The following STEAP2 variants were observed in gnomAD, a reference collection of about 807,000 sequenced individuals.
STEAP2 encodes the protein STEAP2 metalloreductase.
Under a neutral mutation model 46.4 loss-of-function variants are expected in STEAP2, and 30 were observed. The observed-to-expected ratio is 0.65, with a 90% CI of 0.48 to 0.88. The LOEUF is 0.88. Ranked by LOEUF, STEAP2 falls within the 40% of genes least tolerant of loss-of-function variation. The pLI is 0.00. For missense variants in STEAP2, 513 were observed against 579.3 expected, an observed-to-expected ratio of 0.89 and a Z score of 1.18; for synonymous variants, 180 against 200.5, an observed-to-expected ratio of 0.90 and a Z score of 0.86.
At chr7:90,218,958 T>G (rs1487444167) in intron 2 of STEAP2, among the ~76,000 whole-genome samples, 3 of 152,214 alleles carry the variant, frequency 2.0e-5, no homozygotes, top group Admixed American at 2.0e-4. Context: ...TACAGTGCTT[T>G]GTAGTTTTCC....
At chr7:90,219,634 G>A (rs1218650221) in intron 2 of STEAP2, among the ~76,000 whole-genome samples, 1 of 152,100 alleles carries the variant, frequency 6.6e-6, no homozygotes, top group African/African-American at 2.4e-5. Flanking sequence ...TCCCTGGGAT[G>A]CATTCCTGGA....
chr7:90,225,096 C>G lies in STEAP2; in HGVS notation c.14C>G (p.Ser5Cys), dbSNP rs1462130109. The stretch of plus-strand genomic sequence containing the variant: ...AGTGTCCGTATCATGGAATCAATCT[C>G]TATGATGGGAAGCCCTAAGAGCCTT... MESI[S>C]MMGSPKSLSE... The change falls in exon 3 of 6, where the codon TCT becomes TGT. Residue 5 changes from serine (S) to cysteine (C), a missense_variant. Transcript: ENST00000394621. The G allele has an allele frequency of 6.2e-6, 10 of 1,613,164 alleles. No homozygotes were observed. Among genetic ancestry groups the G allele is most frequent in the African/African-American group, 1.3e-5 (1 of 74,866 alleles).
chr7:90,226,972 T>G lies in STEAP2; in HGVS notation c.494T>G (p.Val165Gly). 6.3e-7 allele frequency: 1 copy of G among 1,577,222 alleles called. No individual in the cohort carries two copies. Among genetic ancestry groups the G allele is most frequent in the Non-Finnish European group, 8.6e-7 (1 of 1,165,886 alleles). ...TGAGTCTTTTTGTTTTTTCCACAGG[T>G]TTATATATGCAGCAACAATATTCAA... ...QLGPKDASRQ[V>G]YICSNNIQAR... Residue 165 changes from valine to glycine, a missense_variant and splice_region_variant, in exon 4 of 6, where the codon GTT becomes GGT. By Grantham distance (109) the Val-to-Gly change is moderately radical (BLOSUM62 -3). Transcript: ENST00000394621.
intron 2 of STEAP2, among the ~76,000 whole-genome samples, chr7:90,223,765 G>A (rs1795361574): frequency 6.6e-6 from 1 of 152,190 alleles, no homozygotes; most frequent in South Asian, 2.1e-4. Flanking sequence ...TACATTGTAA[G>A]ATGTAGGGTG....
At chr7:90,218,566 TCA>T (rs1486328954) in intron 2 of STEAP2, among the ~76,000 whole-genome samples, 2 of 152,150 alleles carry the variant, frequency 1.3e-5, no homozygotes, top group Non-Finnish European at 2.9e-5. Flanking sequence ...TTGTTGACAA[TCA>T]GTTGGCTGTA....
rs1477295438 is a variant in STEAP2, at chr7:90,232,904, A to G, written c.*280A>G. ...TGTTGTTACTTTATATTTCATAATCAGGCAAAAATACTTACAGTTAATAAT... is the reference window on the plus strand; with the variant it reads ...TGTTGTTACTTTATATTTCATAATCGGGCAAAAATACTTACAGTTAATAAT... On this transcript the variant is annotated 3_prime_UTR_variant, in exon 6 of 6. Coordinates refer to ENST00000394621, the MANE Select transcript of STEAP2 (RefSeq NM_001244944.2). 1 of 1,041,430 alleles carries G rather than the reference A, an allele frequency of 9.6e-7. No homozygotes were observed. Among genetic ancestry groups the G allele is most frequent in the Non-Finnish European group, 1.2e-6 (1 of 865,084 alleles). 64.5% of individuals were successfully genotyped at this position (1,041,430 alleles called of 1,614,324 possible).
intron 2 of STEAP2, among the ~76,000 whole-genome samples, chr7:90,221,002 C>T (rs572212068): frequency 1.3e-5 from 2 of 152,046 alleles, no homozygotes; most frequent in Non-Finnish European, 2.9e-5. Flanking sequence ...GATATGACTT[C>T]GATTTTTAAA....
intron 2 of STEAP2, among the ~76,000 whole-genome samples, chr7:90,220,166 T>G (rs1174991510): frequency 6.6e-6 from 1 of 152,244 alleles, no homozygotes; most frequent in Admixed American, 6.5e-5. Flanking sequence ...TTAGGCAGAA[T>G]TCCCTCCTGT....
At chr7:90,242,400 C>G (rs1796075040), downstream of STEAP2, among the ~76,000 whole-genome samples, 1 of 152,208 alleles carries the variant, frequency 6.6e-6, no homozygotes, top group Non-Finnish European at 1.5e-5. Context: ...TCAGCTTCAG[C>G]CTGTGCTGTT....
chr7:90,237,025 T>C lies in STEAP2; in HGVS notation c.*4401T>C. ...GCAGTTAGGTGTACATGTGACTGAGTGTTGGCCAGTGAGATGAAGTCTCCT... is the reference window on the plus strand; with the variant it reads ...GCAGTTAGGTGTACATGTGACTGAGCGTTGGCCAGTGAGATGAAGTCTCCT... On this transcript the variant is annotated 3_prime_UTR_variant, in exon 6 of 6. Coordinates refer to ENST00000394621, the MANE Select transcript of STEAP2 (RefSeq NM_001244944.2). 6.6e-7 allele frequency: 1 copy of C among 1,506,142 alleles called. No individual in the cohort carries two copies. Among genetic ancestry groups the C allele is most frequent in the Non-Finnish European group, 9.2e-7 (1 of 1,088,776 alleles). 93.3% of individuals were successfully genotyped at this position (1,506,142 alleles called of 1,614,324 possible). A position where few individuals can be genotyped will look rare whatever the true frequency, so the allele number is the denominator to read the frequency against.
At chr7:90,220,429 T>C (rs1173393511) in intron 2 of STEAP2, among the ~76,000 whole-genome samples, 3 of 152,206 alleles carry the variant, frequency 2.0e-5, no homozygotes, top group African/African-American at 7.2e-5. Flanking sequence ...TAGTTGTTCA[T>C]AATAGCTTCT....
chr7:90,227,238 A>C lies in STEAP2; in HGVS notation c.760A>C (p.Ile254Leu), dbSNP rs1406444785. The C allele has an allele frequency of 1.2e-6, 2 of 1,613,800 alleles. No individual in the cohort carries two copies. The highest frequency in any genetic ancestry group is 3.3e-5 in the Admixed American group (2 of 59,968). The change falls in exon 4 of 6, where the codon ATT (isoleucine) becomes CTT (leucine). Residue 254 changes from isoleucine to leucine, a missense_variant. Coordinates refer to ENST00000394621, the MANE Select transcript of STEAP2 (RefSeq NM_001244944.2). The part of the protein sequence containing the change: ...QSDFYKIPIE[I>L]VNKTLPIVAI... Reference sequence around the variant, plus strand: ...TGACTTTTACAAAATTCCTATAGAGATTGTGAATAAAACCTTACCTATAGT... The same window carrying C: ...TGACTTTTACAAAATTCCTATAGAGCTTGTGAATAAAACCTTACCTATAGT...
At position 90,235,585 on chromosome 7, in the gene STEAP2, T is replaced by C; in HGVS notation, c.*2961T>C. The C allele has an allele frequency of 1.0e-6, 1 of 983,240 alleles. No homozygotes were observed. 60.9% of individuals were successfully genotyped at this position (983,240 alleles called of 1,614,324 possible). On this transcript the variant is annotated 3_prime_UTR_variant, in exon 6 of 6. Transcript: ENST00000394621. Reference sequence around the variant, plus strand: ...AGTGCCCCTTAGAAAGTTAAAAGAATGTAGAAAAGATACTCAGTCTTAATC... The same window carrying C: ...AGTGCCCCTTAGAAAGTTAAAAGAACGTAGAAAAGATACTCAGTCTTAATC...
downstream of STEAP2, among the ~76,000 whole-genome samples, chr7:90,239,492 ATAAT>A (rs1359132368): frequency 6.6e-6 from 1 of 152,236 alleles, no homozygotes; most frequent in African/African-American, 2.4e-5. Context: ...TAGAACTCAA[ATAAT>A]TAATGTCATT....
At chr7:90,219,815 A>C (rs987065084) in intron 2 of STEAP2, among the ~76,000 whole-genome samples, 1 of 152,152 alleles carries the variant, frequency 6.6e-6, no homozygotes, top group African/African-American at 2.4e-5. Flanking sequence ...GCAGCCTTCA[A>C]CTTCTGGGCT....
intron 2 of STEAP2, among the ~76,000 whole-genome samples, chr7:90,221,834 T>A (rs1177794416): frequency 6.6e-6 from 1 of 152,228 alleles, no homozygotes; most frequent in African/African-American, 2.4e-5. Flanking sequence ...AATTTTTACC[T>A]GTTCACATTC....
chr7:90,221,434 A>G (rs1262625729), intron 2 of STEAP2, among the ~76,000 whole-genome samples: 1 of 152,126 alleles, frequency 6.6e-6, no homozygotes, highest in Non-Finnish European at 1.5e-5. Context: ...TGATATAAGT[A>G]TAGTGACTTT....
chr7:90,234,021 C>A lies in STEAP2; in HGVS notation c.*1397C>A. ...CAGTGAAGGGCCCTAGCAGTGTTAA[C>A]AAATTGCTGAGATCCCACGGAGTCT... On this transcript the variant is annotated 3_prime_UTR_variant, in exon 6 of 6. Coordinates refer to ENST00000394621, the MANE Select transcript of STEAP2 (RefSeq NM_001244944.2). 1.0e-6 allele frequency: 1 copy of A among 985,410 alleles called. No individual in the cohort carries two copies. The highest frequency in any genetic ancestry group is 1.2e-6 in the Non-Finnish European group (1 of 829,926). 61.0% of individuals were successfully genotyped at this position (985,410 alleles called of 1,614,324 possible). A position where few individuals can be genotyped will look rare whatever the true frequency, so the allele number is the denominator to read the frequency against.
rs1795966118 is a variant in STEAP2, at chr7:90,236,529, C to G, written c.*3905C>G. 2 of 1,031,796 alleles carry G rather than the reference C, an allele frequency of 1.9e-6. No homozygotes were observed. Among genetic ancestry groups the G allele is most frequent in the Non-Finnish European group, 2.3e-6 (2 of 858,740 alleles). The allele number at this position is 1,031,796 out of a possible 1,614,324, so 63.9% of individuals were successfully genotyped here. A position where few individuals can be genotyped will look rare whatever the true frequency, so the allele number is the denominator to read the frequency against. On this transcript the variant is annotated 3_prime_UTR_variant, in exon 6 of 6. Coordinates refer to ENST00000394621, the MANE Select transcript of STEAP2 (RefSeq NM_001244944.2). The stretch of plus-strand genomic sequence containing the variant: ...GTACATTCAGGACAAATGATTAGCC[C>G]TAAATGAAACTGTAATAATTTCAGT...
Sources: allele counts gnomAD v4.1 joint callset (sites outside exome capture counted in the v4.1 genomes callset), GRCh38; gene constraint gnomAD v4.1.1; transcripts MANE v1.5; gene names NCBI Gene and HGNC (gene_info 2026-07-23, HGNC 2026-07-21).